NUP210: variants seen among roughly 807,000 people sequenced by gnomAD.
NUP210 encodes the protein nucleoporin 210, also known as nuclear pore membrane glycoprotein 210.
Under a neutral mutation model 196.0 loss-of-function variants are expected in NUP210, and 151 were observed. The observed-to-expected ratio is 0.77, with a 90% confidence interval of 0.67 to 0.88. NUP210 has a LOEUF of 0.88. Ranked by LOEUF, NUP210 falls within the 40% of genes least tolerant of loss-of-function variation. The probability of loss-of-function intolerance (pLI) is 0.00; values close to 1 mark genes in which losing one functional copy is unlikely to be tolerated. For missense variants in NUP210, 2,314 were observed against 2,493.7 expected, an observed-to-expected ratio of 0.93 and a Z score of 1.53; for synonymous variants, 1,070 against 1,052.7, an observed-to-expected ratio of 1.02 and a Z score of -0.32.
At chr3:13,358,693 C>A (rs1698270870) in intron 15 of NUP210, among the ~76,000 whole-genome samples, 1 of 152,096 alleles carries the variant, frequency 6.6e-6, no homozygotes, top group African/African-American at 2.4e-5. Context: ...CCTGGGAAAA[C>A]CCCACGGTTG....
chr3:13,324,174 A>G lies in NUP210; in HGVS notation c.4645-742T>C, dbSNP rs368798710. Reference sequence around the variant, plus strand: ...GGCTTACCACCATCCACCTCCAGGGACTGACAGAGGCTGTGTCCCACTCTC... The same window carrying G: ...GGCTTACCACCATCCACCTCCAGGGGCTGACAGAGGCTGTGTCCCACTCTC... On this transcript the variant is annotated intron_variant, in intron 33 of 39. Coordinates refer to ENST00000254508, the MANE Select transcript of NUP210 (RefSeq NM_024923.4). Among the ~76,000 whole-genome samples the G allele has an allele frequency of 2.8e-4, 42 of 152,022 alleles. 4 individuals are homozygous for G. Among genetic ancestry groups the G allele is most frequent in the South Asian group, 2.3e-3 (11 of 4,796 alleles).
intron 1 of NUP210, among the ~76,000 whole-genome samples, chr3:13,407,875 T>C (rs1349176217): frequency 1.3e-5 from 2 of 152,170 alleles, no homozygotes; most frequent in Non-Finnish European, 1.5e-5. Flanking sequence ...AAGTACAGAC[T>C]ACACATTAAC....
intron 1 of NUP210, among the ~76,000 whole-genome samples, chr3:13,412,231 CT>C (rs71066953): frequency 9.4e-4 from 98 of 104,720 alleles, no homozygotes; most frequent in Admixed American, 1.5e-3. Context: ...TTTTCCTTTT[CT>C]TTTTTTTTTT....
intron 31 of NUP210, 122 bp from the exon 32 acceptor site, chr3:13,327,559 G>A: frequency 1.3e-6 from 1 of 747,890 alleles, no homozygotes; most frequent in Non-Finnish European, 2.2e-6. Context: ...GGTCCCAGGT[G>A]TGGCCCCAAC....
In NUP210 at chr3:13,317,686, G is replaced by A. The variant is rs1485794322; in HGVS notation, c.5659C>T (p.His1887Tyr). Reference sequence around the variant, plus strand: ...TCCGGGAACCTTCACGCGGCCTAGTGGGAGGCATAGGCTGGGCTCCACAGC... The same window carrying A: ...TCCGGGAACCTTCACGCGGCCTAGTAGGAGGCATAGGCTGGGCTCCACAGC... The part of the protein sequence containing the change: ...SGLWSPAYAS[H>Y] Residue 1887 changes from histidine to tyrosine, a missense_variant, in exon 40 of 40, where the codon CAC becomes TAC. Physicochemically the swap from His to Tyr is moderately conservative, Grantham distance 83 (BLOSUM62 2). Transcript: ENST00000254508. The A allele has an allele frequency of 2.5e-6, 4 of 1,605,868 alleles. No individual in the cohort carries two copies. Among genetic ancestry groups the A allele is most frequent in the East Asian group, 2.2e-5 (1 of 44,626 alleles).
chr3:13,317,911 C>A, intron 39 of NUP210, 130 bp from the exon 40 acceptor site: 3 of 651,346 alleles, frequency 4.6e-6, no homozygotes, highest in South Asian at 3.8e-5. Flanking sequence ...GAGGCCTCCC[C>A]GGCCAGCAGA....
At position 13,360,421 on chromosome 3, in the gene NUP210, G is replaced by C; in HGVS notation, c.2003C>G (p.Pro668Arg). 6.2e-7 allele frequency: 1 copy of C among 1,614,040 alleles called. No homozygotes were observed. Among genetic ancestry groups the C allele is most frequent in the Non-Finnish European group, 8.5e-7 (1 of 1,180,002 alleles). The change falls in exon 15 of 40, where the codon CCC becomes CGC. Residue 668 changes from proline to arginine, a missense_variant. Pro to Arg is a moderately radical substitution (Grantham distance 103). Coordinates refer to ENST00000254508, the MANE Select transcript of NUP210 (RefSeq NM_024923.4). ...GGACGGCTCGAGGATCCAAGGTCTG[G>C]GACCTCCTTCAAACAGCATCTCCTT... ...SSKEMLFEGG[P>R]RPWILEPSKF... is the part of the protein sequence containing the mutation.
In NUP210 at chr3:13,347,068, C is replaced by T. The variant is rs1213801754; in HGVS notation, c.2836-3765G>A. The T allele has an allele frequency of 2.6e-5, 26 of 985,322 alleles. No homozygotes were observed. Among genetic ancestry groups the T allele is most frequent in the Non-Finnish European group, 2.8e-5 (23 of 829,934 alleles). 61.0% of individuals were successfully genotyped at this position (985,322 alleles called of 1,614,324 possible). A position where few individuals can be genotyped will look rare whatever the true frequency, so the allele number is the denominator to read the frequency against. On this transcript the variant is annotated intron_variant, in intron 20 of 39. Transcript: ENST00000254508. The surrounding 1 kb of genome is among the most constrained non-coding windows in gnomAD (Gnocchi z 4.7). ...CTGCAATTGCCACCCACTCCCCACTCATCCTGGACACATGTCCTCACCTGA... is the reference window on the plus strand; with the variant it reads ...CTGCAATTGCCACCCACTCCCCACTTATCCTGGACACATGTCCTCACCTGA...
chr3:13,359,901 G>A (rs751080824), intron 15 of NUP210, among the ~76,000 whole-genome samples: 48 of 152,348 alleles, frequency 3.2e-4, no homozygotes, highest in South Asian at 1.5e-3. Flanking sequence ...AACAAGATGT[G>A]TCAAACCTGG....
At chr3:13,374,484 AG>A (rs1698836338) in intron 11 of NUP210, among the ~76,000 whole-genome samples, 1 of 152,160 alleles carries the variant, frequency 6.6e-6, no homozygotes, top group South Asian at 2.1e-4. Context: ...GGTATCAGCT[AG>A]GGTCTGGCTA....
At chr3:13,377,298 C>T (rs1019637303) in intron 9 of NUP210, among the ~76,000 whole-genome samples, 158 bp downstream of exon 9, 1 of 152,172 alleles carries the variant, frequency 6.6e-6, no homozygotes, top group African/African-American at 2.4e-5. Flanking sequence ...GATGCCTCAG[C>T]ACTGTTTCCC....
chr3:13,395,134 C>G (rs892908936), intron 3 of NUP210, among the ~76,000 whole-genome samples: 2 of 152,160 alleles, frequency 1.3e-5, no homozygotes, highest in African/African-American at 4.8e-5. Context: ...GGAAACCATC[C>G]AGGGCTGCTG....
At chr3:13,335,177 A>G (rs1322900887) in intron 28 of NUP210, among the ~76,000 whole-genome samples, 1 of 152,200 alleles carries the variant, frequency 6.6e-6, no homozygotes, top group African/African-American at 2.4e-5. Flanking sequence ...TTTTGGCCAC[A>G]CATCAAGTGA....
At position 13,376,375 on chromosome 3, in the gene NUP210, G is replaced by C; in HGVS notation, c.1209C>G (p.Ser403=). The C allele has an allele frequency of 6.2e-7, 1 of 1,614,224 alleles. No homozygotes were observed. Among genetic ancestry groups the C allele is most frequent in the African/African-American group, 1.3e-5 (1 of 75,054 alleles). Residue 403 remains serine, a synonymous_variant, in exon 10 of 40, where the codon TCC becomes TCG. Coordinates refer to ENST00000254508, the MANE Select transcript of NUP210 (RefSeq NM_024923.4). ...PAEFFEVLSS[S]QNGSYHRIRA... The stretch of plus-strand genomic sequence containing the variant: ...TGATGCGATGGTATGACCCATTCTG[G>C]GAGGACGAGAGCACCTCGAAGAACT...
Position 13,350,592 on chromosome 3 carries a change from AAAC to A in NUP210, c.2835+1284_2835+1286del, listed in dbSNP as rs1186254628. On this transcript the variant is annotated intron_variant, in intron 20 of 39. Transcript: ENST00000254508. This position sits in a 1 kb window ranked among gnomAD's most constrained non-coding sequence, Gnocchi z 4.1. The stretch of plus-strand genomic sequence containing the variant: ...ATTCACCAGGCAAAGCCTTCCAACC[AAAC>A]AACGATGAAGGGAGTAAAGGAAGAT... Among the ~76,000 whole-genome samples the A allele has an allele frequency of 1.3e-5, 2 of 152,182 alleles. 1 individual carries two copies.
chr3:13,321,156 C>T (rs1696512718), intron 36 of NUP210, among the ~76,000 whole-genome samples: 1 of 152,272 alleles, frequency 6.6e-6, no homozygotes, highest in Admixed American at 6.5e-5. Context: ...AGGGATCATT[C>T]ACCCACCAAT....
intron 1 of NUP210, among the ~76,000 whole-genome samples, chr3:13,401,160 G>C (rs1699822602): frequency 8.3e-6 from 1 of 119,848 alleles, no homozygotes; most frequent in Non-Finnish European, 1.7e-5. Flanking sequence ...TCGGTAGGCT[G>C]AGGCAGGAGA....
Position 13,386,355 on chromosome 3 carries a change from T to C in NUP210, c.737A>G (p.Asn246Ser). The C allele has an allele frequency of 6.2e-7, 1 of 1,614,112 alleles. No individual in the cohort carries two copies. ...CATCAGGTAGACGTCATAGGCCGGG[T>C]TCAGAAGGATGTTTTCCAAAATCAG... ...RLLILENILLNPAYDVYLMVG... is the reference protein window; with the variant it reads ...RLLILENILLSPAYDVYLMVG... Residue 246 changes from asparagine to serine, a missense_variant, in exon 6 of 40, where the codon AAC becomes AGC. Coordinates refer to ENST00000254508, the MANE Select transcript of NUP210 (RefSeq NM_024923.4).
At chr3:13,380,503 A>G (rs894564895) in intron 6 of NUP210, among the ~76,000 whole-genome samples, 3 of 152,202 alleles carry the variant, frequency 2.0e-5, no homozygotes, top group Admixed American at 2.0e-4. Flanking sequence ...CAGCCTGCTC[A>G]CCATTGCGCA....
Sources: allele counts gnomAD v4.1 joint callset (sites outside exome capture counted in the v4.1 genomes callset), GRCh38; gene constraint gnomAD v4.1.1; non-coding constraint Gnocchi (gnomAD v3.1); transcripts MANE v1.5; gene names NCBI Gene and HGNC (gene_info 2026-07-23, HGNC 2026-07-21).